Variants in KCTD14 observed in about 807,000 individuals in gnomAD.
The protein encoded by KCTD14 is potassium channel tetramerization domain containing 14.
Under a neutral mutation model 5.9 loss-of-function variants are expected in KCTD14, and 7 were observed. That is an observed-to-expected ratio of 1.19 (90% CI 0.68 to 2.23). The LOEUF is 2.23. Ranked by LOEUF, KCTD14 falls within the 30% of genes most tolerant of loss-of-function variation. The pLI is 0.00. For synonymous variants in KCTD14, 140 were observed against 133.1 expected, an observed-to-expected ratio of 1.05 and a Z score of -0.36; for missense variants, 342 against 332.2, an observed-to-expected ratio of 1.03 and a Z score of -0.23.
At chr11:78,038,132 A>T (rs944258346) in intron 2 of KCTD14, among the ~76,000 whole-genome samples, 1 of 152,008 alleles carries the variant, frequency 6.6e-6, no homozygotes, top group Non-Finnish European at 1.5e-5. Flanking sequence ...TTCCCATGTA[A>T]GGGTTTCTGA....
chr11:78,035,650 C>G (rs996112547), intron 2 of KCTD14, among the ~76,000 whole-genome samples: 1 of 151,418 alleles, frequency 6.6e-6, no homozygotes, highest in Admixed American at 6.6e-5. Flanking sequence ...TCGAAACCAG[C>G]TCAGCCATCA....
chr11:78,026,957 G>A (rs1308849161), upstream of KCTD14, among the ~76,000 whole-genome samples: 1 of 151,912 alleles, frequency 6.6e-6, no homozygotes, highest in Non-Finnish European at 1.5e-5. Flanking sequence ...AAAATTAGCT[G>A]GCGTGGTGGC....
intron 1 of KCTD14, chr11:78,046,035 T>C: frequency 1.1e-6 from 1 of 925,736 alleles, no homozygotes; most frequent in Non-Finnish European, 1.3e-6. Context: ...AATAATGGCC[T>C]GCACTTAGAC....
upstream of KCTD14, among the ~76,000 whole-genome samples, chr11:78,024,411 TAC>T (rs58091495): frequency 5.2e-3 from 613 of 116,822 alleles, 6 homozygotes; most frequent in African/African-American, 0.015. Context: ...TATATATATA[TAC>T]ACACACACAC....
chr11:78,017,025 G>A lies in KCTD14; in HGVS notation c.336C>T (p.Phe112=), dbSNP rs1565307991. The A allele has an allele frequency of 6.2e-7, 1 of 1,614,220 alleles. No individual in the cohort carries two copies. The highest frequency in any genetic ancestry group is 1.7e-5 in the Admixed American group (1 of 60,018). The stretch of plus-strand genomic sequence containing the variant: ...GCTTGACCAAAGGCTTGATTTCGTA[G>A]AACTGAGCCTCACGGTACACTTCAG... ...HIPEVYREAQ[F]YEIKPLVKLL... Residue 112 remains phenylalanine (F), a synonymous_variant, in exon 2 of 2, where the codon TTC becomes TTT. Coordinates refer to ENST00000353172, the MANE Select transcript of KCTD14 (RefSeq NM_023930.4).
chr11:78,035,217 T>C (rs1857753068), intron 2 of KCTD14, among the ~76,000 whole-genome samples: 1 of 152,118 alleles, frequency 6.6e-6, no homozygotes, highest in Non-Finnish European at 1.5e-5. Flanking sequence ...CTCCAGCCTT[T>C]TCTACTCTGG....
At chr11:78,024,683 C>T (rs1161741531), upstream of KCTD14, among the ~76,000 whole-genome samples, 3 of 151,976 alleles carry the variant, frequency 2.0e-5, no homozygotes, top group Middle Eastern at 3.4e-3. Context: ...CGGTTGCTCA[C>T]GCCTGTAATC....
upstream of KCTD14, among the ~76,000 whole-genome samples, chr11:78,024,310 G>A (rs1295650942): frequency 2.0e-5 from 3 of 150,682 alleles, no homozygotes; most frequent in African/African-American, 4.9e-5. Context: ...GCTGGAACCC[G>A]GGAGGCAGAG....
chr11:78,030,168 T>TC (rs369934014), intron 2 of KCTD14, among the ~76,000 whole-genome samples: 4 of 151,784 alleles, frequency 2.6e-5, no homozygotes, highest in African/African-American at 7.3e-5. Context: ...GCTTCTTTTT[T>TC]CCCCCCCTCC....
intron 1 of KCTD14, among the ~76,000 whole-genome samples, chr11:78,021,332 T>G (rs1182704519): frequency 6.8e-6 from 1 of 147,068 alleles, no homozygotes; most frequent in African/African-American, 2.5e-5. Context: ...AAAAAAAAGT[T>G]TCCTGCACTG....
At chr11:78,042,592 A>G (rs1858024138) in intron 1 of KCTD14, among the ~76,000 whole-genome samples, 1 of 152,260 alleles carries the variant, frequency 6.6e-6, no homozygotes, top group Non-Finnish European at 1.5e-5. Flanking sequence ...TAATAACTCC[A>G]TCTCCTACGT....
Position 78,016,800 on chromosome 11 carries a change from A to G in KCTD14, c.561T>C (p.Cys187=), listed in dbSNP as rs1169479353. Reference sequence around the variant, plus strand: ...TGAACATCTTCTTATCCTGCAGAAAACACAGGACCTCTGAATAATATGCAT... The same window carrying G: ...TGAACATCTTCTTATCCTGCAGAAAGCACAGGACCTCTGAATAATATGCAT... ...EQDAYYSEVL[C]FLQDKKMFKS... Residue 187 remains cysteine, a synonymous_variant, in exon 2 of 2, where the codon TGT becomes TGC. Coordinates refer to ENST00000353172, the MANE Select transcript of KCTD14 (RefSeq NM_023930.4). 3.1e-6 allele frequency: 5 copies of G among 1,613,986 alleles called. No homozygotes were observed. The highest frequency in any genetic ancestry group is 3.3e-5 in the Admixed American group (2 of 59,994).
chr11:78,017,252 G>A lies in KCTD14; in HGVS notation c.109C>T (p.Leu37=). The part of the protein sequence containing the change: ...RRPTMSTVVE[L]NVGGEFHTTT... ...GTGTGGAACTCACCCCCGACGTTCA[G>A]CTCCACAACAGTAGACATCTGGGGG... is the stretch of plus-strand genomic sequence containing the variant. The change falls in exon 2 of 2, where the codon CTG becomes TTG. Residue 37 remains leucine, a synonymous_variant. Coordinates refer to ENST00000353172, the MANE Select transcript of KCTD14 (RefSeq NM_023930.4). The A allele has an allele frequency of 6.2e-7, 1 of 1,600,358 alleles. No individual in the cohort carries two copies. Among genetic ancestry groups the A allele is most frequent in the East Asian group, 2.2e-5 (1 of 44,502 alleles).
chr11:78,025,118 GTATATATATATATATA>G (rs369374652), upstream of KCTD14, among the ~76,000 whole-genome samples: 222 of 44,498 alleles, frequency 5.0e-3, 2 homozygotes, highest in African/African-American at 0.014. Context: ...GTGTGTGTGT[GTATATATATATATATA>G]TATATATATA....
chr11:78,040,430 C>G (rs1224836537), intron 1 of KCTD14, among the ~76,000 whole-genome samples: 2 of 151,816 alleles, frequency 1.3e-5, no homozygotes, highest in African/African-American at 2.4e-5. Context: ...CTCTGCTCCT[C>G]TTTCTCTCTG....
chr11:78,024,743 C>T (rs58489410), upstream of KCTD14, among the ~76,000 whole-genome samples: 4,063 of 151,638 alleles, frequency 0.027, 194 homozygotes, highest in African/African-American at 0.094. Flanking sequence ...GTTAGGAGTT[C>T]GAGACCAGCC....
At chr11:78,041,328 T>C (rs1857988112) in intron 1 of KCTD14, among the ~76,000 whole-genome samples, 1 of 152,170 alleles carries the variant, frequency 6.6e-6, no homozygotes, top group African/African-American at 2.4e-5. Flanking sequence ...ACTGAGAGAC[T>C]GGACTAGCTG....
intron 1 of KCTD14, among the ~76,000 whole-genome samples, chr11:78,043,359 C>T (rs1260905219): frequency 6.6e-6 from 1 of 152,146 alleles, no homozygotes; most frequent in African/African-American, 2.4e-5. Flanking sequence ...TAACTGTCAT[C>T]GCTAAAAAAG....
upstream of KCTD14, among the ~76,000 whole-genome samples, chr11:78,025,530 C>T (rs773574442): frequency 4.6e-5 from 7 of 152,132 alleles, no homozygotes; most frequent in Non-Finnish European, 1.0e-4. Context: ...AGTTGACAGT[C>T]AGTATTAACC....
Sources: gnomAD v4.1 joint callset for allele counts (sites outside exome capture counted in the v4.1 genomes callset) on GRCh38, gnomAD v4.1.1 for gene constraint, MANE v1.5 for transcripts, NCBI Gene and HGNC (gene_info 2026-07-23, HGNC 2026-07-21) for gene names.